The following PHF20L1 variants were observed in gnomAD, a reference collection of about 807,000 sequenced individuals.
The protein encoded by PHF20L1 is PHD finger protein 20-like protein 1.
PHF20L1 carries 44 observed loss-of-function variants against 125.5 expected under a neutral mutation model. The observed-to-expected ratio is 0.35, with a 90% CI of 0.28 to 0.45. The LOEUF is 0.45. Among genes scored for constraint, PHF20L1 ranks in the 20% least tolerant of loss-of-function variants. PHF20L1 has a pLI of 1.00. For synonymous variants in PHF20L1, 380 were observed against 403.1 expected (o/e 0.94, Z 0.69); for missense variants, 1,012 against 1,217.2 (o/e 0.83, Z 2.51).
chr8:132,782,798 G>A (rs990956406), intron 2 of PHF20L1, among the ~76,000 whole-genome samples: 8 of 150,496 alleles, frequency 5.3e-5, no homozygotes, highest in African/African-American at 9.8e-5. Flanking sequence ...TAGAGAAAGC[G>A]ATCTCTCTGT....
chr8:132,816,650 C>T, intron 10 of PHF20L1: 1 of 374,318 alleles, frequency 2.7e-6, no homozygotes, highest in South Asian at 6.6e-5. Flanking sequence ...ATTAATGTTC[C>T]ATTTTATTTT....
At chr8:132,833,954 C>T (rs535692952) in intron 15 of PHF20L1, among the ~76,000 whole-genome samples, 27 of 152,120 alleles carry the variant, frequency 1.8e-4, no homozygotes, top group African/African-American at 6.5e-4. Context: ...AGCAAGTTCC[C>T]CGGTGATGAT....
intron 6 of PHF20L1, chr8:132,799,983 A>G (rs1289401153): frequency 6.6e-6 from 1 of 151,668 alleles, no homozygotes; most frequent in Non-Finnish European, 1.5e-5. Context: ...CTTGGTTACT[A>G]CATAGATTGA....
chr8:132,844,217 G>A lies in PHF20L1; in HGVS notation c.2810G>A (p.Gly937Glu), dbSNP rs765008775. 1.2e-6 allele frequency: 2 copies of A among 1,612,946 alleles called. No homozygotes were observed. The highest frequency in any genetic ancestry group is 2.2e-5 in the South Asian group (2 of 91,036). Residue 937 changes from glycine (G) to glutamate (E), a missense_variant, in exon 20 of 21, where the codon GGA becomes GAA. Transcript: ENST00000395386. ...YNDKKGTEDPGDSHLQWQLNL... is the reference protein window; with the variant it reads ...YNDKKGTEDPEDSHLQWQLNL... ...GATAAAAAGGGCACCGAAGACCCAG[G>A]AGACTCACATCTTCAGTGGCAGCTC...
At chr8:132,792,329 A>C (rs1831821212) in intron 2 of PHF20L1, among the ~76,000 whole-genome samples, 1 of 152,194 alleles carries the variant, frequency 6.6e-6, no homozygotes, top group South Asian at 2.1e-4. Context: ...TGTTTTAAAA[A>C]CCAGGGCAAC....
chr8:132,843,465 T>C, intron 19 of PHF20L1: 5 of 980,998 alleles, frequency 5.1e-6, no homozygotes, highest in Non-Finnish European at 6.1e-6. Flanking sequence ...TCTGCATTCC[T>C]TAACAAGTAA....
chr8:132,842,899 G>A (rs750442994), intron 19 of PHF20L1, 24 bp downstream of exon 19: 2 of 1,570,188 alleles, frequency 1.3e-6, no homozygotes, highest in Non-Finnish European at 1.7e-6. Context: ...ATTTTTCTTT[G>A]CTTGGAAACT....
At chr8:132,792,024 G>A (rs1831775916) in intron 2 of PHF20L1, among the ~76,000 whole-genome samples, 1 of 152,170 alleles carries the variant, frequency 6.6e-6, no homozygotes, top group African/African-American at 2.4e-5. Flanking sequence ...ATAAAGATGT[G>A]TTTAACTCTG....
intron 2 of PHF20L1, among the ~76,000 whole-genome samples, chr8:132,787,139 T>G (rs2131373413): frequency 6.6e-6 from 1 of 152,120 alleles, no homozygotes; most frequent in African/African-American, 2.4e-5. Context: ...AGAAATTCTC[T>G]GTGGTCTAAT....
At chr8:132,793,762 C>T (rs867775907) in intron 2 of PHF20L1, among the ~76,000 whole-genome samples, 3 of 152,178 alleles carry the variant, frequency 2.0e-5, no homozygotes, top group Non-Finnish European at 2.9e-5. Context: ...TGAGCCTTAC[C>T]ATCATTGTTG....
intron 19 of PHF20L1, chr8:132,843,311 T>A (rs1838116149): frequency 3.0e-6 from 3 of 984,530 alleles, no homozygotes; most frequent in Non-Finnish European, 3.6e-6. Flanking sequence ...CATCCCACTA[T>A]TCAGTAAGGT....
At chr8:132,779,256 C>A (rs193296060) in intron 2 of PHF20L1, among the ~76,000 whole-genome samples, 39 of 152,318 alleles carry the variant, frequency 2.6e-4, no homozygotes, top group Admixed American at 2.4e-3. Flanking sequence ...AGTAGCATCT[C>A]TCCTAGTGAC....
At chr8:132,832,426 A>C (rs1273284312) in intron 15 of PHF20L1, 27 bp downstream of exon 15, 1 of 1,510,842 alleles carries the variant, frequency 6.6e-7, no homozygotes, top group African/African-American at 1.4e-5. Context: ...GATGGTTAAA[A>C]CAAGACTTAC....
At chr8:132,791,861 A>C (rs939762241) in intron 2 of PHF20L1, among the ~76,000 whole-genome samples, 1 of 152,182 alleles carries the variant, frequency 6.6e-6, no homozygotes, top group Non-Finnish European at 1.5e-5. Context: ...CCAAAACATA[A>C]TTTTCATTTT....
intron 20 of PHF20L1, 91 bp from the exon 21 acceptor site, chr8:132,845,690 C>T (rs1838369785): frequency 3.3e-6 from 3 of 896,252 alleles, no homozygotes; most frequent in Non-Finnish European, 5.5e-6. Context: ...GAACCCTTAA[C>T]TCCATCACAG....
At chr8:132,800,177 A>G (rs1257598792) in intron 6 of PHF20L1, among the ~76,000 whole-genome samples, 2 of 151,574 alleles carry the variant, frequency 1.3e-5, no homozygotes, top group Non-Finnish European at 3.0e-5. Flanking sequence ...GGTTTGTGGT[A>G]AAATTACAGC....
At chr8:132,837,560 C>G in intron 16 of PHF20L1, 152 bp from the exon 17 acceptor site, 1 of 586,260 alleles carries the variant, frequency 1.7e-6, no homozygotes, top group Non-Finnish European at 3.1e-6. Flanking sequence ...CATCTTAAGT[C>G]ATGGCTTGAT....
rs757800314 is a variant in PHF20L1, at chr8:132,814,617, A to T, written c.931-20A>T. 3 of 1,508,586 alleles carry T rather than the reference A, an allele frequency of 2.0e-6. No individual in the cohort carries two copies. The highest frequency in any genetic ancestry group is 2.7e-6 in the Non-Finnish European group (3 of 1,120,552). The allele number at this position is 1,508,586 out of a possible 1,614,324, so 93.5% of individuals were successfully genotyped here. On this transcript the variant is annotated intron_variant, in intron 9 of 20. Transcript: ENST00000395386. ...TGAAGAAGCCAAAATAAAAATATCA[A>T]TTTTTTATTATTTATTCAGGCGATT...
At chr8:132,804,080 A>G (rs1008880291) in intron 7 of PHF20L1, 48 bp downstream of exon 7, 1 of 1,255,574 alleles carries the variant, frequency 8.0e-7, no homozygotes, top group South Asian at 1.2e-5. Context: ...TGGTAAACTC[A>G]TGTAGTAAAG....
Sources: gnomAD v4.1 joint callset for allele counts (sites outside exome capture counted in the v4.1 genomes callset) on GRCh38, gnomAD v4.1.1 for gene constraint, MANE v1.5 for transcripts, NCBI Gene and HGNC (gene_info 2026-07-23, HGNC 2026-07-21) for gene names.